Variants in SDK1 observed in about 807,000 individuals in gnomAD.
The protein encoded by SDK1 is sidekick cell adhesion molecule 1.
SDK1 carries 157 observed loss-of-function variants against 245.5 expected under a neutral mutation model. The observed-to-expected ratio is 0.64, with a 90% CI of 0.56 to 0.73. SDK1 has a LOEUF of 0.73. SDK1 is among the 30% of genes least tolerant of loss of function. The pLI, the probability that SDK1 is intolerant of heterozygous loss-of-function variation, is 0.00. For synonymous variants in SDK1, 1,647 were observed against 1,278.5 expected (o/e 1.29, Z -6.15); for missense variants, 3,583 against 3,002.3 (o/e 1.19, Z -4.52).
intron 4 of SDK1, among the ~76,000 whole-genome samples, chr7:3,743,273 G>C (rs757129407): frequency 6.6e-5 from 10 of 152,194 alleles, no homozygotes; most frequent in Non-Finnish European, 1.3e-4. Context: ...GATGAATTTG[G>C]AGTTAGAAGA....
At chr7:3,698,466 A>C (rs755319802) in intron 4 of SDK1, among the ~76,000 whole-genome samples, 2 of 152,144 alleles carry the variant, frequency 1.3e-5, no homozygotes, top group Non-Finnish European at 2.9e-5. Flanking sequence ...GTGGAGAATC[A>C]GGATTTTCCC....
At chr7:3,349,999 G>A (rs973460495) in intron 1 of SDK1, among the ~76,000 whole-genome samples, 1 of 152,186 alleles carries the variant, frequency 6.6e-6, no homozygotes, top group African/African-American at 2.4e-5. Flanking sequence ...AGCAGGTAGA[G>A]GATGAAGTTT....
At chr7:4,257,302 C>G (rs922522915) in intron 44 of SDK1, among the ~76,000 whole-genome samples, 7 of 152,198 alleles carry the variant, frequency 4.6e-5, no homozygotes, top group Non-Finnish European at 1.0e-4. Flanking sequence ...CGCAGTCGGT[C>G]TGATACTGCA....
intron 40 of SDK1, among the ~76,000 whole-genome samples, chr7:4,225,668 G>T (rs997879507): frequency 6.6e-6 from 1 of 152,146 alleles, no homozygotes; most frequent in Non-Finnish European, 1.5e-5. Flanking sequence ...TTGGCGTGTC[G>T]GCGAGGGCTT....
intron 14 of SDK1, among the ~76,000 whole-genome samples, chr7:3,996,754 C>G (rs954324972): frequency 4.6e-5 from 7 of 152,150 alleles, no homozygotes; most frequent in African/African-American, 1.7e-4. Context: ...CTCTTCTTTG[C>G]TTTCAAGGTA....
intron 1 of SDK1, among the ~76,000 whole-genome samples, chr7:3,456,301 T>C (rs761953443): frequency 6.6e-5 from 10 of 152,332 alleles, no homozygotes; most frequent in Non-Finnish European, 1.3e-4. Flanking sequence ...TTAAATATTC[T>C]TTCAGCCCCA....
intron 30 of SDK1, among the ~76,000 whole-genome samples, chr7:4,155,469 A>G (rs1044126285): frequency 3.9e-5 from 6 of 152,358 alleles, no homozygotes; most frequent in Middle Eastern, 3.4e-3. Flanking sequence ...CAGTGGAGAA[A>G]GAGGGGTTTC....
At chr7:3,666,109 C>T (rs1783524318) in intron 4 of SDK1, among the ~76,000 whole-genome samples, 1 of 152,156 alleles carries the variant, frequency 6.6e-6, no homozygotes, top group Admixed American at 6.5e-5. Context: ...CTTTATTCAC[C>T]TCCTAATCCA....
chr7:4,100,908 C>G (rs911360971), intron 22 of SDK1, among the ~76,000 whole-genome samples: 1 of 152,154 alleles, frequency 6.6e-6, no homozygotes, highest in African/African-American at 2.4e-5. Flanking sequence ...ATCTGCCCCT[C>G]CTTCCCTGTG....
intron 17 of SDK1, among the ~76,000 whole-genome samples, chr7:4,040,218 A>T (rs1788520067): frequency 6.6e-6 from 1 of 152,116 alleles, no homozygotes; most frequent in African/African-American, 2.4e-5. Flanking sequence ...GCTGAATCTG[A>T]TTGGATCCTG....
At chr7:3,971,957 G>A (rs553647614) in intron 12 of SDK1, among the ~76,000 whole-genome samples, 1 of 152,180 alleles carries the variant, frequency 6.6e-6, no homozygotes, top group South Asian at 2.1e-4. Flanking sequence ...CTTTACTCTC[G>A]GGATAGTTTC....
At chr7:3,960,798 C>G (rs1412550007) in intron 8 of SDK1, among the ~76,000 whole-genome samples, 1 of 152,210 alleles carries the variant, frequency 6.6e-6, no homozygotes, top group Admixed American at 6.5e-5. Context: ...GTGGAATTAT[C>G]TTTCTTACAG....
chr7:4,252,214 C>G lies in SDK1; in HGVS notation c.6381+6409C>G, dbSNP rs190095535. Among the ~76,000 whole-genome samples the G allele has an allele frequency of 2.2e-3, 329 of 146,820 alleles. 1 individual carries two copies. The highest frequency in any genetic ancestry group is 3.8e-3 in the Non-Finnish European group (252 of 67,032). Reference sequence around the variant, plus strand: ...TAATGCTATCCCTCCCACCTCCCCCCACCCCACAACAGGCCCCAGTGTGTG... The same window carrying G: ...TAATGCTATCCCTCCCACCTCCCCCGACCCCACAACAGGCCCCAGTGTGTG... On this transcript the variant is annotated intron_variant, in intron 44 of 44. Coordinates refer to ENST00000404826, the MANE Select transcript of SDK1 (RefSeq NM_152744.4).
intron 1 of SDK1, among the ~76,000 whole-genome samples, chr7:3,570,093 C>A (rs2128629191): frequency 6.6e-6 from 1 of 152,322 alleles, no homozygotes; most frequent in East Asian, 1.9e-4. Context: ...TTCTCTGTGT[C>A]ACCACCAGTG....
intron 1 of SDK1, among the ~76,000 whole-genome samples, chr7:3,592,041 G>T (rs967064660): frequency 6.6e-6 from 1 of 152,174 alleles, no homozygotes; most frequent in African/African-American, 2.4e-5. Context: ...GGAAATTACA[G>T]TTTTGAAACT....
At chr7:3,987,435 G>A in intron 14 of SDK1, 113 bp downstream of exon 14, 1 of 1,117,736 alleles carries the variant, frequency 8.9e-7, no homozygotes, top group Non-Finnish European at 1.3e-6. Flanking sequence ...CTAAAATGCT[G>A]TAATGCTTTA....
intron 4 of SDK1, among the ~76,000 whole-genome samples, chr7:3,746,490 T>C (rs1171187980): frequency 6.6e-6 from 1 of 152,200 alleles, no homozygotes; most frequent in African/African-American, 2.4e-5. Flanking sequence ...CTTTTACCCA[T>C]AGTAGAACGT....
At chr7:4,190,163 C>G (rs146745958) in intron 35 of SDK1, among the ~76,000 whole-genome samples, 1 of 152,118 alleles carries the variant, frequency 6.6e-6, no homozygotes, top group African/African-American at 2.4e-5. Context: ...GTCGCAACCC[C>G]GACTCCACAG....
intron 14 of SDK1, among the ~76,000 whole-genome samples, chr7:3,989,425 G>A (rs1390431246): frequency 6.6e-6 from 1 of 152,142 alleles, no homozygotes; most frequent in Non-Finnish European, 1.5e-5. Flanking sequence ...ATGAGATTTG[G>A]GTGGGGACAC....
Sources: allele counts gnomAD v4.1 joint callset (sites outside exome capture counted in the v4.1 genomes callset), GRCh38; gene constraint gnomAD v4.1.1; transcripts MANE v1.5; gene names NCBI Gene and HGNC (gene_info 2026-07-23, HGNC 2026-07-21).